Variants in HSPA4L observed in about 807,000 individuals in gnomAD.
HSPA4L encodes the protein heat shock protein family A (Hsp70) member 4 like.
A neutral mutation model predicts 100.3 loss-of-function variants in HSPA4L; 48 were observed. The observed-to-expected ratio is 0.48, with a 90% CI of 0.38 to 0.61. The LOEUF (loss-of-function observed/expected upper bound fraction) is 0.61. Among genes scored for constraint, HSPA4L ranks in the 20% least tolerant of loss-of-function variants. The pLI is 0.00. For synonymous variants in HSPA4L, 319 were observed against 328.2 expected, an observed-to-expected ratio of 0.97 and a Z score of 0.30; for missense variants, 886 against 988.6, an observed-to-expected ratio of 0.90 and a Z score of 1.39.
rs1734215423 is a variant in HSPA4L at position 127,836,463 on chromosome 4, G to A, written c.*3589G>A. 6.6e-6 allele frequency: 1 copy of A among 151,836 alleles called. No homozygotes were observed. The highest frequency in any genetic ancestry group is 6.6e-5 in the Admixed American group (1 of 15,194). 9.4% of individuals were successfully genotyped at this position (151,836 alleles called of 1,614,324 possible). On this transcript the variant is annotated 3_prime_UTR_variant, in exon 19 of 19. Coordinates refer to ENST00000296464, the MANE Select transcript of HSPA4L (RefSeq NM_014278.4). ...AAGGTTTCTTATGCTTTTTTGGGGG[G>A]GGGTGTCAATTTTTAGTATATTAAG...
At chr4:127,806,789 T>A (rs1370231341) in intron 10 of HSPA4L, among the ~76,000 whole-genome samples, 1 of 152,030 alleles carries the variant, frequency 6.6e-6, no homozygotes, top group Non-Finnish European at 1.5e-5. Flanking sequence ...AGTTATTTTT[T>A]AAATTTTGTT....
At chr4:127,801,315 T>A in intron 5 of HSPA4L, 78 bp downstream of exon 5, 1 of 856,436 alleles carries the variant, frequency 1.2e-6, no homozygotes, top group Middle Eastern at 2.5e-4. Flanking sequence ...CAAAGCATTA[T>A]TTTTTTTTAA....
At chr4:127,828,258 T>G (rs1231500396) in intron 17 of HSPA4L, among the ~76,000 whole-genome samples, 2 of 152,088 alleles carry the variant, frequency 1.3e-5, no homozygotes, top group African/African-American at 4.8e-5. Flanking sequence ...TTCTCTGTAA[T>G]CCCTAGTTTT....
chr4:127,817,621 A>AGT (rs1368293245), intron 12 of HSPA4L, among the ~76,000 whole-genome samples: 8 of 152,136 alleles, frequency 5.3e-5, no homozygotes, highest in Non-Finnish European at 1.2e-4. Context: ...AAATCTTAAA[A>AGT]GTGTACCTTT....
chr4:127,790,934 CATGGTGAAACCCT>C (rs1732857950), intron 1 of HSPA4L, among the ~76,000 whole-genome samples: 1 of 152,124 alleles, frequency 6.6e-6, no homozygotes, highest in Non-Finnish European at 1.5e-5. Context: ...GCCTGGGCAA[CATGGTGAAACCCT>C]ATCTCTACAA....
intron 12 of HSPA4L, among the ~76,000 whole-genome samples, chr4:127,815,816 A>G (rs1244952768): frequency 6.6e-6 from 1 of 152,194 alleles, no homozygotes; most frequent in Non-Finnish European, 1.5e-5. Context: ...GTTAATGGGG[A>G]TGCATAGTGG....
intron 12 of HSPA4L, 42 bp downstream of exon 12, chr4:127,811,678 G>A (rs780940813): frequency 4.4e-6 from 6 of 1,365,096 alleles, no homozygotes; most frequent in Non-Finnish European, 2.0e-6. Flanking sequence ...AATAGATAGT[G>A]TATACAGTAT....
Position 127,834,617 on chromosome 4 carries a change from T to C in HSPA4L, c.*1743T>C, listed in dbSNP as rs1734163247. ...TATATCCAATAGGTGATGAAATACA[T>C]TTTTTACAAACATAGATGCTTTTTA... On this transcript the variant is annotated 3_prime_UTR_variant, in exon 19 of 19. Coordinates refer to ENST00000296464, the MANE Select transcript of HSPA4L (RefSeq NM_014278.4). 6.6e-6 allele frequency: 1 copy of C among 152,206 alleles called. No homozygotes were observed. The highest frequency in any genetic ancestry group is 1.5e-5 in the Non-Finnish European group (1 of 68,000). The allele number at this position is 152,206 out of a possible 1,614,324, so 9.4% of individuals were successfully genotyped here.
rs752222945 is a variant in HSPA4L at position 127,805,097 on chromosome 4, G to C, written c.1010G>C (p.Ser337Thr). ...GACTTACAACGTGAAGACATTAGTA[G>C]TATAGAAATTGTAGGAGGAGCAACA... ...QANLQREDIS[S>T]IEIVGGATRI... is the part of the protein sequence containing the mutation. The change falls in exon 9 of 19, where the codon AGT (serine) becomes ACT (threonine). Residue 337 changes from serine to threonine, a missense_variant. Transcript: ENST00000296464. 2.4e-5 allele frequency: 38 copies of C among 1,610,654 alleles called. No homozygotes were observed. Among genetic ancestry groups the C allele is most frequent in the Non-Finnish European group, 2.9e-5 (34 of 1,178,314 alleles).
At chr4:127,809,312 T>C in intron 11 of HSPA4L, 1 of 1,197,092 alleles carries the variant, frequency 8.4e-7, no homozygotes, top group Non-Finnish European at 1.2e-6. Flanking sequence ...CGAGACCCTG[T>C]CTTAATAAGG....
rs1026530596 is a variant in HSPA4L at position 127,838,697 on chromosome 4, TCTTTC to T, written c.*5828_*5832del. The T allele has an allele frequency of 5.3e-5, 8 of 152,334 alleles. No homozygotes were observed. The highest frequency in any genetic ancestry group is 7.4e-5 in the Non-Finnish European group (5 of 68,024). 9.4% of individuals were successfully genotyped at this position (152,334 alleles called of 1,614,324 possible). A position where few individuals can be genotyped will look rare whatever the true frequency, so the allele number is the denominator to read the frequency against. ...AAACTATAAATGAAAATGATCTTTG[TCTTTC>T]CTTTATCTTGCTTTATCCTCTTATC... On this transcript the variant is annotated 3_prime_UTR_variant, in exon 19 of 19. Transcript: ENST00000296464.
At chr4:127,812,667 T>C in intron 12 of HSPA4L, 1 of 703,776 alleles carries the variant, frequency 1.4e-6, no homozygotes, top group South Asian at 1.6e-5. Context: ...TGTTTTGTTT[T>C]GTTTTGTTTT....
At position 127,823,619 on chromosome 4, in the gene HSPA4L, C is replaced by G. The variant is rs1258756696; in HGVS notation, c.2041C>G (p.Leu681Val). Residue 681 changes from leucine to valine, a missense_variant, in exon 16 of 19, where the codon CTA (leucine) becomes GTA (valine). By Grantham distance (32) the Leu-to-Val change is conservative. Transcript: ENST00000296464. ...KQVYVDKLQE[L>V]KKYGQPIQMK... ...AGTTTATGTGGATAAGCTTCAAGAA[C>G]TAAAGGTACATTTTTTTAAAGTCCA... 1.2e-6 allele frequency: 2 copies of G among 1,603,956 alleles called. No individual in the cohort carries two copies. Among genetic ancestry groups the G allele is most frequent in the Admixed American group, 3.3e-5 (2 of 59,836 alleles).
At chr4:127,820,916 T>A (rs908689066) in intron 14 of HSPA4L, among the ~76,000 whole-genome samples, 1 of 152,152 alleles carries the variant, frequency 6.6e-6, no homozygotes, top group Non-Finnish European at 1.5e-5. Context: ...AAAGATTATA[T>A]CTCTGTTCAA....
intron 13 of HSPA4L, among the ~76,000 whole-genome samples, chr4:127,818,897 G>A (rs1223060042): frequency 6.7e-6 from 1 of 149,284 alleles, no homozygotes; most frequent in African/African-American, 2.5e-5. Flanking sequence ...AAAAAAAAAA[G>A]GAAATTTTAT....
intron 6 of HSPA4L, among the ~76,000 whole-genome samples, chr4:127,802,612 CG>C (rs1398425310): frequency 1.3e-5 from 2 of 152,076 alleles, no homozygotes; most frequent in African/African-American, 2.4e-5. Flanking sequence ...TTAAAAAGAA[CG>C]TTTTTTTCCT....
rs1206669181 is a variant in HSPA4L at position 127,832,896 on chromosome 4, T to C, written c.*22T>C. The C allele has an allele frequency of 6.4e-7, 1 of 1,563,778 alleles. No homozygotes were observed. Among genetic ancestry groups the C allele is most frequent in the Non-Finnish European group, 8.7e-7 (1 of 1,149,384 alleles). ...CTAAGTCTTAATTTTACCTTCACAT[T>C]AATTCAAACCGTGCAAGTAACCACG... is the stretch of plus-strand genomic sequence containing the variant. On this transcript the variant is annotated 3_prime_UTR_variant, in exon 19 of 19. Coordinates refer to ENST00000296464, the MANE Select transcript of HSPA4L (RefSeq NM_014278.4).
rs1001464648 is a variant in HSPA4L, at chr4:127,840,341, A to G, written c.*7467A>G. Reference sequence around the variant, plus strand: ...AATTCCTCTTTTTAAGAGAGGTACTACATTTGATTTCTCAATTTCTCAGTT... The same window carrying G: ...AATTCCTCTTTTTAAGAGAGGTACTGCATTTGATTTCTCAATTTCTCAGTT... On this transcript the variant is annotated 3_prime_UTR_variant, in exon 19 of 19. Coordinates refer to ENST00000296464, the MANE Select transcript of HSPA4L (RefSeq NM_014278.4). 2.6e-5 allele frequency: 4 copies of G among 152,208 alleles called. No individual in the cohort carries two copies. Among genetic ancestry groups the G allele is most frequent in the African/African-American group, 9.7e-5 (4 of 41,438 alleles). 9.4% of individuals were successfully genotyped at this position (152,208 alleles called of 1,614,324 possible). A position where few individuals can be genotyped will look rare whatever the true frequency, so the allele number is the denominator to read the frequency against.
At chr4:127,809,066 G>T in intron 11 of HSPA4L, 1 of 556,920 alleles carries the variant, frequency 1.8e-6, no homozygotes, top group Non-Finnish European at 3.2e-6. Context: ...TAATATGAAG[G>T]TGAGGGCGAT....
Sources: allele counts gnomAD v4.1 joint callset (sites outside exome capture counted in the v4.1 genomes callset), GRCh38; gene constraint gnomAD v4.1.1; transcripts MANE v1.5; gene names NCBI Gene and HGNC (gene_info 2026-07-23, HGNC 2026-07-21).